The following SNRNP200 variants were observed in gnomAD, a reference collection of about 807,000 sequenced individuals.
SNRNP200 encodes U5 small nuclear ribonucleoprotein 200 kDa helicase.
SNRNP200 carries 66 observed loss-of-function variants against 255.2 expected under a neutral mutation model. The ratio of observed to expected loss-of-function variants is 0.26; its 90% CI spans 0.21 to 0.32. The LOEUF (loss-of-function observed/expected upper bound fraction) is 0.32. SNRNP200 is among the 10% of genes least tolerant of loss of function. SNRNP200 has a pLI of 1.00. For missense variants in SNRNP200, 1,585 were observed against 2,749.8 expected (o/e 0.58, Z 9.47); for synonymous variants, 939 against 1,027.8 (o/e 0.91, Z 1.65).
chr2:96,274,857 A>C lies in SNRNP200; in HGVS notation c.*155T>G. 1.3e-6 allele frequency: 1 copy of C among 797,688 alleles called. No individual in the cohort carries two copies. Among genetic ancestry groups the C allele is most frequent in the South Asian group, 1.4e-5 (1 of 71,306 alleles). 49.4% of individuals were successfully genotyped at this position (797,688 alleles called of 1,614,324 possible). ...GCTGTCACTGGATCCAGAGTGAGCA[A>C]GGGAAAGGAAGTGGAGGTAGGCGGG... On this transcript the variant is annotated 3_prime_UTR_variant, in exon 45 of 45. Transcript: ENST00000323853.
chr2:96,303,108 G>A (rs1054175255), intron 3 of SNRNP200, 51 bp downstream of exon 3: 2 of 1,582,224 alleles, frequency 1.3e-6, no homozygotes, highest in Non-Finnish European at 1.7e-6. Context: ...GAAGCTGTAT[G>A]CCAGAAAATG....
In SNRNP200 at chr2:96,274,574, C is replaced by A; in HGVS notation, c.*438G>T. ...ATGTACCCTCCTCTGGGCTGACTCA[C>A]GAGGCTACAGGGGACAGCACACCTA... is the stretch of plus-strand genomic sequence containing the variant. On this transcript the variant is annotated 3_prime_UTR_variant, in exon 45 of 45. Coordinates refer to ENST00000323853, the MANE Select transcript of SNRNP200 (RefSeq NM_014014.5). 1 of 288,626 alleles carries A rather than the reference C, an allele frequency of 3.5e-6. No homozygotes were observed. The highest frequency in any genetic ancestry group is 3.4e-5 in the South Asian group (1 of 29,122). 17.9% of individuals were successfully genotyped at this position (288,626 alleles called of 1,614,324 possible).
chr2:96,281,755 G>T, intron 35 of SNRNP200, 59 bp downstream of exon 35: 1 of 1,311,610 alleles, frequency 7.6e-7, no homozygotes, highest in Non-Finnish European at 1.1e-6. Context: ...TGTATCTGCA[G>T]ATTCACATTC....
intron 21 of SNRNP200, 143 bp from the exon 22 acceptor site, chr2:96,289,522 G>T: frequency 2.2e-6 from 2 of 914,708 alleles, no homozygotes; most frequent in East Asian, 2.6e-5. Flanking sequence ...TGTCCTAATA[G>T]GACAACTGGA....
At chr2:96,297,338 G>T in intron 11 of SNRNP200, 25 bp downstream of exon 11, 1 of 1,612,332 alleles carries the variant, frequency 6.2e-7, no homozygotes, top group Non-Finnish European at 8.5e-7. Flanking sequence ...ACTGAGCAGA[G>T]AACTGAAGAA....
rs192163157 is a variant in SNRNP200 at position 96,300,579 on chromosome 2, C to T, written c.630+419G>A. Among the ~76,000 whole-genome samples the T allele has an allele frequency of 5.9e-5, 9 of 152,132 alleles. No homozygotes were observed. The East Asian group carries it at 1.2e-3, about 20-fold the overall frequency. Reference sequence around the variant, plus strand: ...GAGATCAAGACCACCTTGGCTAACACGGTGAAACCCCGTCTCCACTAAAAA... The same window carrying T: ...GAGATCAAGACCACCTTGGCTAACATGGTGAAACCCCGTCTCCACTAAAAA... On this transcript the variant is annotated intron_variant, in intron 5 of 44. Coordinates refer to ENST00000323853, the MANE Select transcript of SNRNP200 (RefSeq NM_014014.5).
intron 3 of SNRNP200, among the ~76,000 whole-genome samples, 198 bp from the exon 4 acceptor site, chr2:96,301,914 C>T (rs1179314118): frequency 1.3e-5 from 2 of 152,212 alleles, no homozygotes; most frequent in Admixed American, 1.3e-4. Context: ...AGCTAGGTGG[C>T]CTCAAGCAGC....
chr2:96,279,884 TTTAA>T, intron 35 of SNRNP200: 1 of 329,044 alleles, frequency 3.0e-6, no homozygotes, highest in South Asian at 2.7e-5. Context: ...ACTTTTCTCC[TTTAA>T]TTAAAAAAAA....
rs771715531 is a variant in SNRNP200 at position 96,277,010 on chromosome 2, C to G, written c.6093-25G>C. 6.2e-6 allele frequency: 10 copies of G among 1,613,946 alleles called. No individual in the cohort carries two copies. In the Admixed American group the frequency reaches 1.2e-4, roughly 19 times the overall value. On this transcript the variant is annotated intron_variant, in intron 42 of 44. Transcript: ENST00000323853. This position sits in a 1 kb window ranked among gnomAD's most constrained non-coding sequence, Gnocchi z 4.4. ...ACTGCAGGGGGAGAGGAGGGGCGCA[C>G]GTCAGTGATGGGGCAGTGGGCTCAG...
rs1358212967 is a variant in SNRNP200, at chr2:96,298,661, C to T, written c.924G>A (p.Leu308=). The T allele has an allele frequency of 4.3e-6, 7 of 1,614,230 alleles. No homozygotes were observed. Among genetic ancestry groups the T allele is most frequent in the Admixed American group, 3.3e-5 (2 of 60,032 alleles). Residue 308 remains leucine (L), a synonymous_variant, in exon 8 of 45, where the codon CTG becomes CTA. Transcript: ENST00000323853. ...DDRECENQLV[L]LLGFNTFDFI... ...AATCAAAGGTGTTGAAACCAAGCAG[C>T]AGAACCAGCTGATTTTCACATTCCC...
chr2:96,274,473 C>G lies in SNRNP200; in HGVS notation c.*539G>C, dbSNP rs1684618793. Reference sequence around the variant, plus strand: ...TCTAGAGAAACCCCTAACCTGTGATCTAGCTTCCGAGGCTCAGTGTTGGTT... The same window carrying G: ...TCTAGAGAAACCCCTAACCTGTGATGTAGCTTCCGAGGCTCAGTGTTGGTT... On this transcript the variant is annotated 3_prime_UTR_variant, in exon 45 of 45. Transcript: ENST00000323853. 5.9e-6 allele frequency: 1 copy of G among 169,448 alleles called. No homozygotes were observed. Among genetic ancestry groups the G allele is most frequent in the African/African-American group, 2.4e-5 (1 of 41,652 alleles). 10.5% of individuals were successfully genotyped at this position (169,448 alleles called of 1,614,324 possible).
chr2:96,284,120 TAGG>T (rs2063826025), intron 31 of SNRNP200, 116 bp from the exon 32 acceptor site: 1 of 1,050,324 alleles, frequency 9.5e-7, no homozygotes, highest in Non-Finnish European at 1.4e-6. Flanking sequence ...TCCTTCTAAC[TAGG>T]AGCTCTCATG....
rs766502324 is a variant in SNRNP200, at chr2:96,286,233, C to A, written c.4003+78G>T. Reference sequence around the variant, plus strand: ...GACCTCCCAAGTGCCTGAGCACCCCCACTCCCCTGCCTGCCACAGAGCACA... The same window carrying A: ...GACCTCCCAAGTGCCTGAGCACCCCAACTCCCCTGCCTGCCACAGAGCACA... On this transcript the variant is annotated intron_variant, in intron 29 of 44. Transcript: ENST00000323853. This position sits in a 1 kb window ranked among gnomAD's most constrained non-coding sequence, Gnocchi z 4.8. The A allele has an allele frequency of 3.1e-4, 459 of 1,470,300 alleles. No homozygotes were observed. Among genetic ancestry groups the A allele is most frequent in the Non-Finnish European group, 4.2e-4 (438 of 1,050,302 alleles). The allele number at this position is 1,470,300 out of a possible 1,614,324, so 91.1% of individuals were successfully genotyped here. A position where few individuals can be genotyped will look rare whatever the true frequency, so the allele number is the denominator to read the frequency against.
In SNRNP200 at chr2:96,278,406, G is replaced by A. The variant is rs1237020958; in HGVS notation, c.5489-48C>T. 5.0e-6 allele frequency: 8 copies of A among 1,613,092 alleles called. No individual in the cohort carries two copies. The highest frequency in any genetic ancestry group is 6.8e-6 in the Non-Finnish European group (8 of 1,179,676). On this transcript the variant is annotated intron_variant, in intron 38 of 44. Coordinates refer to ENST00000323853, the MANE Select transcript of SNRNP200 (RefSeq NM_014014.5). The surrounding 1 kb of genome is among the most constrained non-coding windows in gnomAD (Gnocchi z 6.9). ...GAGAAGCTAAAACCAGGCAGAGAAG[G>A]AGCAGAACTGCCCGGGCTCCCCTGC...
At chr2:96,292,359 A>G (rs1189097382) in intron 16 of SNRNP200, among the ~76,000 whole-genome samples, 1 of 152,228 alleles carries the variant, frequency 6.6e-6, no homozygotes, top group African/African-American at 2.4e-5. Context: ...CCAAGAAAAG[A>G]TCTGTCTCTT....
intron 5 of SNRNP200, among the ~76,000 whole-genome samples, chr2:96,300,022 C>A (rs988839723): frequency 6.6e-6 from 1 of 152,184 alleles, no homozygotes; most frequent in Non-Finnish European, 1.5e-5. Context: ...GAAGGAGAAA[C>A]TGAAGCAAGA....
Position 96,290,099 on chromosome 2 carries a change from C to A in SNRNP200, c.2743-103G>T, listed in dbSNP as rs547010805. 1 of 1,109,240 alleles carries A rather than the reference C, an allele frequency of 9.0e-7. No individual in the cohort carries two copies. Among genetic ancestry groups the A allele is most frequent in the African/African-American group, 1.5e-5 (1 of 65,198 alleles). The allele number at this position is 1,109,240 out of a possible 1,614,324, so 68.7% of individuals were successfully genotyped here. A position where few individuals can be genotyped will look rare whatever the true frequency, so the allele number is the denominator to read the frequency against. ...AAATTAATTCCCAACTACAAGGATG[C>A]ATATTACATCGTATTCTGAATGTTT... On this transcript the variant is annotated intron_variant, in intron 20 of 44. Coordinates refer to ENST00000323853, the MANE Select transcript of SNRNP200 (RefSeq NM_014014.5). The surrounding 1 kb of genome is among the most constrained non-coding windows in gnomAD (Gnocchi z 4.5).
In SNRNP200 at chr2:96,278,826, T is replaced by C. The variant is rs1345556941; in HGVS notation, c.5306A>G (p.Asn1769Ser). 3 of 1,614,136 alleles carry C rather than the reference T, an allele frequency of 1.9e-6. No homozygotes were observed. The highest frequency in any genetic ancestry group is 1.3e-5 in the African/African-American group (1 of 75,026). Residue 1769 changes from asparagine to serine, a missense_variant, in exon 37 of 45, where the codon AAT becomes AGT. By Grantham distance (46) the Asn-to-Ser change is conservative. Transcript: ENST00000323853. This position sits in a 1 kb window ranked among gnomAD's most constrained non-coding sequence, Gnocchi z 6.9. ...FLYRRMTQNPNYYNLQGISHR... is the reference protein window; with the variant it reads ...FLYRRMTQNPSYYNLQGISHR... The stretch of plus-strand genomic sequence containing the variant: ...CCACTGACCCTGCAGGTTGTAGTAA[T>C]TGGGGTTCTGTGTCATGCGGCGGTA...
At position 96,285,278 on chromosome 2, in the gene SNRNP200, T is replaced by C; in HGVS notation, c.4066A>G (p.Lys1356Glu). ...VFVGAPTGSGKTICAEFAILR... is the reference protein window; with the variant it reads ...VFVGAPTGSGETICAEFAILR... Reference sequence around the variant, plus strand: ...ATGGCAAACTCTGCACAAATAGTCTTCCCGCTGCCCGTGGGGGCCCCCACA... The same window carrying C: ...ATGGCAAACTCTGCACAAATAGTCTCCCCGCTGCCCGTGGGGGCCCCCACA... The change falls in exon 30 of 45, where the codon AAG (lysine) becomes GAG (glutamate). Residue 1356 changes from lysine (K) to glutamate (E), a missense_variant. Physicochemically the swap from Lys to Glu is moderately conservative, Grantham distance 56 (BLOSUM62 1). Around this residue, in one of 9 missense-constraint regions of SNRNP200, gnomAD observed 719 missense variants for 1,091.1 expected, o/e 0.66. Coordinates refer to ENST00000323853, the MANE Select transcript of SNRNP200 (RefSeq NM_014014.5). The C allele has an allele frequency of 6.2e-7, 1 of 1,614,106 alleles. No homozygotes were observed. Among genetic ancestry groups the C allele is most frequent in the South Asian group, 1.1e-5 (1 of 91,082 alleles).
Sources: gnomAD v4.1 joint callset for allele counts (sites outside exome capture counted in the v4.1 genomes callset) on GRCh38, gnomAD v4.1.1 for gene constraint, gnomAD v4.1.1 regional missense constraint, Gnocchi (gnomAD v3.1) non-coding constraint, MANE v1.5 for transcripts, NCBI Gene and HGNC (gene_info 2026-07-23, HGNC 2026-07-21) for gene names.